HYAL1: variants seen among roughly 807,000 people sequenced by gnomAD.
The protein encoded by HYAL1 is hyaluronidase 1.
A neutral mutation model predicts 28.8 loss-of-function variants in HYAL1; 21 were observed. The observed-to-expected ratio is 0.73, with a 90% CI of 0.52 to 1.05. HYAL1 has a LOEUF of 1.05. Ranked by LOEUF, HYAL1 falls within the 50% of genes least tolerant of loss-of-function variation. The probability of loss-of-function intolerance (pLI) is 0.00; values close to 1 mark genes in which losing one functional copy is unlikely to be tolerated. For synonymous variants in HYAL1, 200 were observed against 230.1 expected (o/e 0.87, Z 1.18); for missense variants, 491 against 579.2 (o/e 0.85, Z 1.56).
At chr3:50,312,001 C>T (rs1277407437) in intron 1 of HYAL1, among the ~76,000 whole-genome samples, 3 of 140,190 alleles carry the variant, frequency 2.1e-5, no homozygotes, top group East Asian at 2.3e-4. Context: ...CCGGACGGGG[C>T]GGCTGGCCGG....
intron 1 of HYAL1, among the ~76,000 whole-genome samples, chr3:50,311,657 GC>G (rs1702460584): frequency 1.4e-5 from 2 of 141,556 alleles, no homozygotes; most frequent in African/African-American, 5.5e-5. Context: ...GGGGCGGCTG[GC>G]CGGGCGGGGG....
At chr3:50,304,672 C>A (rs1173852589), upstream of HYAL1, among the ~76,000 whole-genome samples, 1 of 152,018 alleles carries the variant, frequency 6.6e-6, no homozygotes, top group Non-Finnish European at 1.5e-5. Flanking sequence ...GTGGATAAGT[C>A]ATCCCTGTTG....
rs1553713062 is a variant in HYAL1 at position 50,302,153 on chromosome 3, C to G, written c.804G>C (p.Glu268Asp). ...CAGCAGCCACAGCCACACGGAATGC[C>G]TCGGCCACACGGTGTTGCACATACA... The part of the protein sequence containing the change: ...SQMYVQHRVA[E>D]AFRVAVAAGD... Residue 268 changes from glutamate to aspartate, a missense_variant, in exon 2 of 4, where the codon GAG (glutamate) becomes GAC (aspartate). Glu to Asp is a conservative substitution (Grantham distance 45, BLOSUM62 2). Coordinates refer to ENST00000395144, the MANE Select transcript of HYAL1 (RefSeq NM_033159.4). This position sits in a 1 kb window ranked among gnomAD's most constrained non-coding sequence, Gnocchi z 5.0. 6.2e-7 allele frequency: 1 copy of G among 1,614,068 alleles called. No individual in the cohort carries two copies. The highest frequency in any genetic ancestry group is 1.3e-5 in the African/African-American group (1 of 74,930).
At chr3:50,305,230 G>A (rs587631936), upstream of HYAL1, among the ~76,000 whole-genome samples, 5 of 152,202 alleles carry the variant, frequency 3.3e-5, no homozygotes, top group South Asian at 1.0e-3. Context: ...CAGAGCTTAT[G>A]TACTTCTGTT....
chr3:50,301,133 G>T, intron 2 of HYAL1, 56 bp from the exon 3 acceptor site: 2 of 1,171,788 alleles, frequency 1.7e-6, no homozygotes, highest in African/African-American at 1.5e-5. Flanking sequence ...GTGGCAGACT[G>T]CTGGAACACC....
At chr3:50,301,734 C>T (rs1292340637) in intron 2 of HYAL1, among the ~76,000 whole-genome samples, 8 of 151,964 alleles carry the variant, frequency 5.3e-5, no homozygotes, top group Admixed American at 1.3e-4. Context: ...GGATGGATCA[C>T]GAGGTCAGGA....
At position 50,302,502 on chromosome 3, in the gene HYAL1, C is replaced by A. The variant is rs781929111; in HGVS notation, c.455G>T (p.Arg152Leu). 2 of 1,614,072 alleles carry A rather than the reference C, an allele frequency of 1.2e-6. No homozygotes were observed. The highest frequency in any genetic ancestry group is 2.7e-5 in the African/African-American group (2 of 74,940). The change falls in exon 2 of 4, where the codon CGG (arginine) becomes CTG (leucine). Residue 152 changes from arginine (R) to leucine (L), a missense_variant. Arg to Leu is a moderately radical substitution (Grantham distance 102). Transcript: ENST00000395144. The surrounding 1 kb of genome is among the most constrained non-coding windows in gnomAD (Gnocchi z 5.0). Reference protein sequence around the residue: ...DTKDIYRQRSRALVQAQHPDW... With the variant: ...DTKDIYRQRSLALVQAQHPDW... ...AGGGTGCTGTGCCTGTACCAGTGCC[C>A]GTGAGCGCTGCCGGTAAATGTCCTT...
rs1238424530 is a variant in HYAL1, at chr3:50,299,976, AG to A, written c.*506del. On this transcript the variant is annotated 3_prime_UTR_variant, in exon 4 of 4. Transcript: ENST00000395144. ...CAGGGCTGGTTACCACAAACTCAGT[AG>A]GAGTGCAAGGGCTGTACCCCCGGAG... 8 of 211,392 alleles carry A rather than the reference AG, an allele frequency of 3.8e-5. No individual in the cohort carries two copies. Among genetic ancestry groups the A allele is most frequent in the African/African-American group, 1.8e-4 (8 of 43,498 alleles). 13.1% of individuals were successfully genotyped at this position (211,392 alleles called of 1,614,324 possible).
chr3:50,304,257 A>G (rs1331820314), upstream of HYAL1: 3 of 120,898 alleles, frequency 2.5e-5, no homozygotes, highest in African/African-American at 9.3e-5. Flanking sequence ...CCTGGGTGAC[A>G]GAGAGCGACT....
rs141022886 is a variant in HYAL1 at position 50,302,093 on chromosome 3, C to T, written c.864G>A (p.Gln288=). 2 of 1,614,082 alleles carry T rather than the reference C, an allele frequency of 1.2e-6. No individual in the cohort carries two copies. Among genetic ancestry groups the T allele is most frequent in the Non-Finnish European group, 1.7e-6 (2 of 1,180,042 alleles). ...DPNLPVLPYV[Q]IFYDTTNHFL... ...AGTGGTTTGTCGTGTCATAGAAGAT[C>T]TGGACATAGGGCAGCACCGGCAGAT... Residue 288 remains glutamine, a synonymous_variant, in exon 2 of 4, where the codon CAG becomes CAA. Coordinates refer to ENST00000395144, the MANE Select transcript of HYAL1 (RefSeq NM_033159.4). The surrounding 1 kb of genome is among the most constrained non-coding windows in gnomAD (Gnocchi z 5.0).
intron 2 of HYAL1, among the ~76,000 whole-genome samples, chr3:50,309,461 C>CAAAA (rs59958240): frequency 2.1e-4 from 13 of 60,840 alleles, no homozygotes; most frequent in South Asian, 6.0e-4. Context: ...CAGACTCCAC[C>CAAAA]AAAAAAAAAA....
intron 1 of HYAL1, among the ~76,000 whole-genome samples, chr3:50,311,897 GA>G (rs1702471606): frequency 7.1e-6 from 1 of 139,934 alleles, no homozygotes; most frequent in Admixed American, 7.1e-5. Context: ...GCGGGGGGCT[GA>G]TCCCCCCTCC....
chr3:50,309,271 C>A (rs1181584477), intron 2 of HYAL1, among the ~76,000 whole-genome samples: 1 of 150,304 alleles, frequency 6.7e-6, no homozygotes, highest in Non-Finnish European at 1.5e-5. Context: ...CGAGACCAGC[C>A]TGGCCAACAT....
chr3:50,309,618 C>T (rs1702407441), intron 2 of HYAL1: 1 of 151,230 alleles, frequency 6.6e-6, no homozygotes, highest in African/African-American at 2.5e-5. Context: ...GAAAACTGGC[C>T]TCACATTTTG....
In HYAL1 at chr3:50,300,393, A is replaced by T. The variant is rs1702070742; in HGVS notation, c.*90T>A. The T allele has an allele frequency of 7.8e-7, 1 of 1,282,250 alleles. No individual in the cohort carries two copies. The highest frequency in any genetic ancestry group is 1.5e-5 in the African/African-American group (1 of 68,554). The allele number at this position is 1,282,250 out of a possible 1,614,324, so 79.4% of individuals were successfully genotyped here. ...GAGTGTACTCTTTACTGTGACCATG[A>T]CTTGTATGACTGTGCATGTATTTGA... On this transcript the variant is annotated 3_prime_UTR_variant, in exon 4 of 4. Transcript: ENST00000395144.
chr3:50,311,899 T>TC lies in HYAL1; in HGVS notation c.-310+364dup, dbSNP rs1159367203. 7.9e-3 allele frequency among the ~76,000 whole-genome samples: 343 copies of TC among 43,504 alleles called. 13 individuals carry two copies. The highest frequency in any genetic ancestry group is 0.023 in the African/African-American group (216 of 9,308). 28.5% of individuals were successfully genotyped at this position (43,504 alleles called of 152,430 possible). A position where few individuals can be genotyped will look rare whatever the true frequency, so the allele number is the denominator to read the frequency against. ...GGCGGCTGGCCGGGCGGGGGGCTGA[T>TC]CCCCCCTCCCCTCACGGATGGGGTG... On this transcript the variant is annotated intron_variant, in intron 1 of 5. Coordinates refer to the HYAL1 transcript ENST00000320295.
chr3:50,301,822 G>A (rs587679617), intron 2 of HYAL1, among the ~76,000 whole-genome samples: 45 of 151,536 alleles, frequency 3.0e-4, no homozygotes, highest in African/African-American at 1.0e-3. Context: ...GTGTGGTGGC[G>A]GGCGCCTGTA....
In HYAL1 at chr3:50,302,786, A is replaced by G. The variant is rs587709776; in HGVS notation, c.171T>C (p.Asp57=). The G allele has an allele frequency of 1.9e-5, 30 of 1,614,032 alleles. No individual in the cohort carries two copies. The East Asian group carries it at 5.8e-4, about 31-fold the overall frequency. ...AGGTCTGCCCTGGGTTGGCTACCACATCGAAGACACTGACATCCACGTCCA... is the reference window on the plus strand; with the variant it reads ...AGGTCTGCCCTGGGTTGGCTACCACGTCGAAGACACTGACATCCACGTCCA... The part of the protein sequence containing the change: ...HGVDVDVSVF[D]VVANPGQTFR... Residue 57 remains aspartate (D), a synonymous_variant, in exon 2 of 4, where the codon GAT becomes GAC. Transcript: ENST00000395144. This position sits in a 1 kb window ranked among gnomAD's most constrained non-coding sequence, Gnocchi z 5.0.
At chr3:50,305,575 G>A (rs1437152497), upstream of HYAL1, among the ~76,000 whole-genome samples, 6 of 144,166 alleles carry the variant, frequency 4.2e-5, no homozygotes, top group Admixed American at 1.4e-4. Flanking sequence ...TCACTCTGTC[G>A]CCCAGGCTGG....
Sources: allele counts gnomAD v4.1 joint callset (sites outside exome capture counted in the v4.1 genomes callset), GRCh38; gene constraint gnomAD v4.1.1; non-coding constraint Gnocchi (gnomAD v3.1); transcripts MANE v1.5; gene names NCBI Gene and HGNC (gene_info 2026-07-23, HGNC 2026-07-21).